The following CHN2 variants were observed in gnomAD, a reference collection of about 807,000 sequenced individuals.
CHN2 encodes the protein chimerin 2.
CHN2 carries 35 observed loss-of-function variants against 56.3 expected under a neutral mutation model. The ratio of observed to expected loss-of-function variants is 0.62; its 90% CI spans 0.47 to 0.82. The LOEUF (loss-of-function observed/expected upper bound fraction) is 0.82, where lower values mean the gene tolerates loss of function less well. CHN2 is among the 40% of genes least tolerant of loss of function. CHN2 has a pLI of 0.00. For synonymous variants in CHN2, 210 were observed against 212.8 expected (o/e 0.99, Z 0.12); for missense variants, 491 against 580.5 (o/e 0.85, Z 1.58).
intron 6 of CHN2, among the ~76,000 whole-genome samples, chr7:29,473,364 C>G (rs1034629537): frequency 6.6e-6 from 1 of 152,040 alleles, no homozygotes; most frequent in East Asian, 1.9e-4. Context: ...GAGCACATTA[C>G]AATCCCCTGG....
chr7:29,195,629 A>AGAGAGAGAGAGAGAGAGAGAGTGTGTGT (rs869037854), intron 1 of CHN2, among the ~76,000 whole-genome samples: 10 of 117,568 alleles, frequency 8.5e-5, no homozygotes, highest in East Asian at 7.6e-4. Context: ...AGAGAGAGAG[A>AGAGAGAGAGAGAGAGAGAGAGTGTGTGT]GTGTGTGTGT....
intron 2 of CHN2, among the ~76,000 whole-genome samples, chr7:29,174,198 A>T (rs1006329777): frequency 1.3e-5 from 2 of 152,098 alleles, no homozygotes; most frequent in Non-Finnish European, 2.9e-5. Flanking sequence ...TGCTCCTCTC[A>T]TGGGAGCAAA....
At chr7:29,259,892 A>C (rs1789402371) in intron 1 of CHN2, among the ~76,000 whole-genome samples, 1 of 152,226 alleles carries the variant, frequency 6.6e-6, no homozygotes, top group South Asian at 2.1e-4. Context: ...GAAGGAAAAC[A>C]GTGGAAATAT....
At chr7:29,274,684 T>G (rs926604262) in intron 1 of CHN2, among the ~76,000 whole-genome samples, 1 of 152,126 alleles carries the variant, frequency 6.6e-6, no homozygotes, top group Non-Finnish European at 1.5e-5. Flanking sequence ...GCGGCCAAAG[T>G]GCAGATCAAA....
chr7:29,405,200 C>CACACACACACAA (rs1802545731), intron 6 of CHN2, among the ~76,000 whole-genome samples: 3 of 137,310 alleles, frequency 2.2e-5, no homozygotes, highest in African/African-American at 7.9e-5. Flanking sequence ...CACACACACA[C>CACACACACACAA]ACACACACAC....
chr7:29,208,013 A>G (rs1468805062), intron 1 of CHN2, among the ~76,000 whole-genome samples: 1 of 152,224 alleles, frequency 6.6e-6, no homozygotes, highest in Non-Finnish European at 1.5e-5. Context: ...TAAGGAACCT[A>G]GTCAATGAAC....
At chr7:29,396,235 G>A (rs1205789235) in intron 4 of CHN2, among the ~76,000 whole-genome samples, 2 of 152,098 alleles carry the variant, frequency 1.3e-5, no homozygotes, top group East Asian at 3.9e-4. Flanking sequence ...CTGAGTTCAG[G>A]AGTTCGAGAC....
chr7:29,412,246 C>G (rs1353593097), intron 6 of CHN2, among the ~76,000 whole-genome samples: 1 of 151,742 alleles, frequency 6.6e-6, no homozygotes, highest in African/African-American at 2.4e-5. Context: ...CCTCCTGGCT[C>G]CACAACATAT....
chr7:29,442,255 G>C (rs1585406481), intron 6 of CHN2, among the ~76,000 whole-genome samples: 5 of 152,288 alleles, frequency 3.3e-5, no homozygotes, highest in East Asian at 1.9e-4. Flanking sequence ...AAGGGTATTA[G>C]TTGTAACTCC....
intron 10 of CHN2, among the ~76,000 whole-genome samples, chr7:29,506,185 G>T: frequency 6.6e-6 from 1 of 152,116 alleles, no homozygotes; most frequent in East Asian, 1.9e-4. Flanking sequence ...GGCCAGGCAC[G>T]GTGGCTAGGC....
chr7:29,321,087 A>C (rs1428177250), intron 1 of CHN2, among the ~76,000 whole-genome samples: 1 of 152,258 alleles, frequency 6.6e-6, no homozygotes, highest in Non-Finnish European at 1.5e-5. Context: ...AGATGCTTAC[A>C]GATTGTTAGC....
rs79165608 is a variant in CHN2 at position 29,290,315 on chromosome 7, G to A, written c.50-64310G>A. On this transcript the variant is annotated intron_variant, in intron 1 of 12. Coordinates refer to ENST00000222792, the MANE Select transcript of CHN2 (RefSeq NM_004067.4). ...TTTATGCAAAGGAACCCAGCACTGTGGCACATCCCACCTGAAGCTTGTGTT... is the reference window on the plus strand; with the variant it reads ...TTTATGCAAAGGAACCCAGCACTGTAGCACATCCCACCTGAAGCTTGTGTT... Among the ~76,000 whole-genome samples the A allele has an allele frequency of 6.7e-4, 102 of 152,314 alleles. No homozygotes were observed. The East Asian group carries it at 0.019, about 29-fold the overall frequency.
chr7:29,194,458 G>C (rs1304282421), upstream of CHN2: 1 of 155,160 alleles, frequency 6.4e-6, no homozygotes, highest in Non-Finnish European at 1.4e-5. Context: ...GAGGGAGAAG[G>C]GGGAGGTCGC....
At chr7:29,447,652 T>C (rs1784122968) in intron 6 of CHN2, among the ~76,000 whole-genome samples, 2 of 151,836 alleles carry the variant, frequency 1.3e-5, no homozygotes, top group Non-Finnish European at 1.5e-5. Context: ...TCAAAACCAG[T>C]GGTAGGAGGG....
intron 7 of CHN2, among the ~76,000 whole-genome samples, chr7:29,488,695 C>A (rs549239702): frequency 2.8e-4 from 43 of 152,232 alleles, no homozygotes; most frequent in African/African-American, 1.0e-3. Flanking sequence ...CCCCACCTCC[C>A]CCTGACCCCT....
intron 6 of CHN2, among the ~76,000 whole-genome samples, chr7:29,455,513 T>G (rs1441934434): frequency 6.6e-6 from 1 of 152,148 alleles, no homozygotes; most frequent in Non-Finnish European, 1.5e-5. Flanking sequence ...TCCTATTTAG[T>G]GTCTTTGTGT....
At chr7:29,261,662 A>G (rs1375713996) in intron 1 of CHN2, among the ~76,000 whole-genome samples, 1 of 152,234 alleles carries the variant, frequency 6.6e-6, no homozygotes, top group Non-Finnish European at 1.5e-5. Flanking sequence ...TCTTTGAACC[A>G]CAGAAAATAT....
At chr7:29,340,028 C>T (rs1015692421) in intron 1 of CHN2, among the ~76,000 whole-genome samples, 1 of 152,018 alleles carries the variant, frequency 6.6e-6, no homozygotes, top group Admixed American at 6.6e-5. Context: ...CAGCATTGGA[C>T]AGGGACTTTA....
chr7:29,368,454 A>G (rs1344603356), intron 3 of CHN2, among the ~76,000 whole-genome samples: 1 of 152,156 alleles, frequency 6.6e-6, no homozygotes, highest in African/African-American at 2.4e-5. Flanking sequence ...ATGAGGTTTT[A>G]ATTCTAACTT....
Sources: gnomAD v4.1 joint callset for allele counts (sites outside exome capture counted in the v4.1 genomes callset) on GRCh38, gnomAD v4.1.1 for gene constraint, MANE v1.5 for transcripts, NCBI Gene and HGNC (gene_info 2026-07-23, HGNC 2026-07-21) for gene names.